The following CERS3 variants were observed in gnomAD, a reference collection of about 807,000 sequenced individuals.
CERS3 encodes ceramide synthase 3.
A neutral mutation model predicts 50.3 loss-of-function variants in CERS3; 33 were observed. The ratio of observed to expected loss-of-function variants is 0.66; its 90% confidence interval spans 0.50 to 0.88. CERS3 has a LOEUF of 0.88. Among genes scored for constraint, CERS3 ranks in the 40% least tolerant of loss-of-function variants. The pLI is 0.00. For synonymous variants in CERS3, 176 were observed against 155.2 expected, an observed-to-expected ratio of 1.13 and a Z score of -0.99; for missense variants, 470 against 460.3, an observed-to-expected ratio of 1.02 and a Z score of -0.19.
chr15:100,443,474 T>C (rs1158324445), intron 11 of CERS3, among the ~76,000 whole-genome samples: 4 of 148,878 alleles, frequency 2.7e-5, no homozygotes, highest in East Asian at 3.9e-4. Context: ...CCCCATGGTG[T>C]CAAACCCATA....
intron 8 of CERS3, among the ~76,000 whole-genome samples, chr15:100,473,546 A>T (rs2654577): frequency 2.0e-5 from 3 of 152,244 alleles, no homozygotes; most frequent in Admixed American, 6.5e-5. Context: ...CACACATGAA[A>T]GCATGCTCAA....
intron 10 of CERS3, among the ~76,000 whole-genome samples, chr15:100,462,574 T>C (rs1168393667): frequency 1.3e-5 from 2 of 152,196 alleles, no homozygotes; most frequent in East Asian, 1.9e-4. Context: ...TGAAGGCAAA[T>C]GATACACTCT....
In CERS3 at chr15:100,466,758, T is replaced by G. The variant is rs1253650234; in HGVS notation, c.845+2620A>C. ...CTTCTTTCCTTCCTTCCTTCCTTCC[T>G]TCCTTCCTTCCTTCCTTCCTTCCTT... On this transcript the variant is annotated intron_variant, in intron 10 of 11. Transcript: ENST00000679737. 2.1e-3 allele frequency among the ~76,000 whole-genome samples: 44 copies of G among 20,992 alleles called. 1 individual carries two copies. Among genetic ancestry groups the G allele is most frequent in the African/African-American group, 4.2e-3 (43 of 10,210 alleles). 13.8% of individuals were successfully genotyped at this position (20,992 alleles called of 152,430 possible).
chr15:100,497,599 T>C (rs1159478360), intron 3 of CERS3, among the ~76,000 whole-genome samples: 1 of 151,966 alleles, frequency 6.6e-6, no homozygotes, highest in African/African-American at 2.4e-5. Flanking sequence ...AAACCAAAGA[T>C]TTATACAGTA....
chr15:100,417,233 C>T (rs556780470), intron 11 of CERS3, among the ~76,000 whole-genome samples: 386 of 151,436 alleles, frequency 2.5e-3, no homozygotes, highest in Non-Finnish European at 4.4e-3. Context: ...GTGCACCGTG[C>T]GTGAGCCGAA....
chr15:100,465,606 A>G (rs2034686089), intron 10 of CERS3, among the ~76,000 whole-genome samples: 1 of 152,136 alleles, frequency 6.6e-6, no homozygotes, highest in South Asian at 2.1e-4. Flanking sequence ...AGAATCAGTC[A>G]ACGTCAATAC....
chr15:100,501,937 T>A (rs1439237120), intron 2 of CERS3, 87 bp from the exon 3 acceptor site: 3 of 1,384,176 alleles, frequency 2.2e-6, no homozygotes, highest in Non-Finnish European at 3.0e-6. Flanking sequence ...AAATGCCAGA[T>A]CCAGAGAGCT....
chr15:100,419,905 C>T (rs2032272878), intron 11 of CERS3, among the ~76,000 whole-genome samples: 1 of 149,956 alleles, frequency 6.7e-6, no homozygotes, highest in Non-Finnish European at 1.5e-5. Context: ...ACACAACATA[C>T]CAGAATCTCT....
chr15:100,515,421 C>T (rs2036462104), intron 2 of CERS3, among the ~76,000 whole-genome samples: 1 of 152,158 alleles, frequency 6.6e-6, no homozygotes, highest in Non-Finnish European at 1.5e-5. Flanking sequence ...AGGCAGTGCT[C>T]ACCAAAATGG....
At chr15:100,436,942 C>CTTTT (rs755700746) in intron 11 of CERS3, among the ~76,000 whole-genome samples, 2 of 129,600 alleles carry the variant, frequency 1.5e-5, no homozygotes, top group African/African-American at 2.9e-5. Context: ...TCTTTCCTGA[C>CTTTT]TTTTTTTTTT....
At chr15:100,423,300 CA>C in intron 11 of CERS3, among the ~76,000 whole-genome samples, 1 of 152,116 alleles carries the variant, frequency 6.6e-6, no homozygotes, top group East Asian at 1.9e-4. Flanking sequence ...ATTGTTCTAC[CA>C]AAAAGACATA....
intron 2 of CERS3, among the ~76,000 whole-genome samples, chr15:100,504,668 T>A (rs1056454292): frequency 4.6e-5 from 7 of 152,166 alleles, no homozygotes; most frequent in Admixed American, 4.6e-4. Context: ...TGATACTTCC[T>A]CTTGATTAGG....
chr15:100,473,005 C>T lies in CERS3; in HGVS notation c.657G>A (p.Met219Ile). 1.9e-6 allele frequency: 3 copies of T among 1,613,878 alleles called. No homozygotes were observed. The highest frequency in any genetic ancestry group is 1.7e-6 in the Non-Finnish European group (2 of 1,179,912). The stretch of plus-strand genomic sequence containing the variant: ...TATAATTAGCACACCAAGAGAAGCT[C>T]ATCAGACTAATAGCAGCCAGGTGGT... Reference protein sequence around the residue: ...IIHHLAAISLMSFSWCANYIR... With the variant: ...IIHHLAAISLISFSWCANYIR... The change falls in exon 9 of 12, where the codon ATG (methionine) becomes ATA (isoleucine). Residue 219 changes from methionine (M) to isoleucine (I), a missense_variant. Transcript: ENST00000679737.
intron 3 of CERS3, among the ~76,000 whole-genome samples, chr15:100,494,643 T>C (rs549166248): frequency 1.3e-5 from 2 of 152,306 alleles, no homozygotes; most frequent in South Asian, 2.1e-4. Context: ...AGAGATTTCC[T>C]TAAATGCTTA....
chr15:100,403,470 C>T (rs1311922835), intron 11 of CERS3, among the ~76,000 whole-genome samples: 1 of 151,868 alleles, frequency 6.6e-6, no homozygotes, highest in East Asian at 1.9e-4. Context: ...AACCCAAAAG[C>T]CAATTCTTTG....
intron 11 of CERS3, among the ~76,000 whole-genome samples, chr15:100,419,803 G>T (rs1304716419): frequency 2.1e-5 from 3 of 144,116 alleles, no homozygotes; most frequent in South Asian, 2.3e-4. Flanking sequence ...CAACTACATG[G>T]AAACTGAACA....
At chr15:100,439,817 G>A (rs1233558781) in intron 11 of CERS3, among the ~76,000 whole-genome samples, 1 of 152,152 alleles carries the variant, frequency 6.6e-6, no homozygotes, top group East Asian at 1.9e-4. Context: ...CATACAAACT[G>A]CAAGGATTAT....
At chr15:100,443,703 CCTTA>C (rs1327935293) in intron 11 of CERS3, among the ~76,000 whole-genome samples, 8 of 144,498 alleles carry the variant, frequency 5.5e-5, no homozygotes, top group Admixed American at 1.4e-4. Context: ...CAAATTTCTT[CCTTA>C]CCTGTTACCT....
chr15:100,431,359 T>A (rs1400883538), intron 11 of CERS3, among the ~76,000 whole-genome samples: 2 of 152,232 alleles, frequency 1.3e-5, no homozygotes, highest in African/African-American at 4.8e-5. Flanking sequence ...ATCATGTTTT[T>A]AAATTCTCCA....
Sources: allele counts gnomAD v4.1 joint callset (sites outside exome capture counted in the v4.1 genomes callset), GRCh38; gene constraint gnomAD v4.1.1; transcripts MANE v1.5; gene names NCBI Gene and HGNC (gene_info 2026-07-23, HGNC 2026-07-21).